The following PUS10 variants were observed in gnomAD, a reference collection of about 807,000 sequenced individuals.
PUS10 encodes the protein pseudouridine synthase 10.
In PUS10, 59 loss-of-function variants were observed where a neutral mutation model predicts 75.0. That is an observed-to-expected ratio of 0.79 (90% CI 0.64 to 0.98). The LOEUF is 0.98. PUS10 is among the 50% of genes least tolerant of loss of function. The probability of loss-of-function intolerance (pLI) is 0.00; values close to 1 mark genes in which losing one functional copy is unlikely to be tolerated. For missense variants in PUS10, 650 were observed against 614.4 expected (o/e 1.06, Z -0.61); for synonymous variants, 219 against 211.6 (o/e 1.03, Z -0.30).
intron 4 of PUS10, among the ~76,000 whole-genome samples, chr2:60,991,694 A>C (rs1678090417): frequency 6.6e-6 from 1 of 152,236 alleles, no homozygotes; most frequent in Non-Finnish European, 1.5e-5. Context: ...AAAACTGTAA[A>C]TGCATAACTT....
chr2:60,968,453 G>GT (rs1676471646), intron 5 of PUS10, among the ~76,000 whole-genome samples: 1 of 152,118 alleles, frequency 6.6e-6, no homozygotes, highest in South Asian at 2.1e-4. Context: ...TGAAAGAGAT[G>GT]TAAGGGCCAA....
intron 5 of PUS10, among the ~76,000 whole-genome samples, chr2:60,969,863 G>T (rs1485269858): frequency 6.6e-6 from 1 of 152,136 alleles, no homozygotes; most frequent in African/African-American, 2.4e-5. Context: ...GAGGCATGTG[G>T]ATCACCTGAG....
chr2:61,008,727 T>C (rs781271117), intron 3 of PUS10, 34 bp downstream of exon 3: 2 of 1,460,386 alleles, frequency 1.4e-6, no homozygotes, highest in East Asian at 2.3e-5. Context: ...AATCTCTACA[T>C]AATTGCACCT....
chr2:60,984,232 A>G (rs569864526), intron 4 of PUS10, among the ~76,000 whole-genome samples: 20 of 152,350 alleles, frequency 1.3e-4, no homozygotes, highest in Admixed American at 1.0e-3. Flanking sequence ...AATTGATGAA[A>G]GATTAATAGT....
At chr2:60,958,159 C>G (rs368692865) in intron 11 of PUS10, among the ~76,000 whole-genome samples, 1 of 152,194 alleles carries the variant, frequency 6.6e-6, no homozygotes, top group Non-Finnish European at 1.5e-5. Flanking sequence ...GAACCTGACA[C>G]TTGGCGTGAC....
rs1360837689 is a variant in PUS10 at position 61,017,922 on chromosome 2, C to A, written c.-16+86G>T. The A allele has an allele frequency of 2.0e-6, 3 of 1,464,912 alleles. No homozygotes were observed. The East Asian group carries it at 7.4e-5, about 36-fold the overall frequency. The allele number at this position is 1,464,912 out of a possible 1,614,324, so 90.7% of individuals were successfully genotyped here. On this transcript the variant is annotated intron_variant, in intron 1 of 17. Transcript: ENST00000316752. ...GGGACTTGGCAGGAGGCGGTTGTAGCGGTTGTTAGTGGAGGTATTCCCTTC... is the reference window on the plus strand; with the variant it reads ...GGGACTTGGCAGGAGGCGGTTGTAGAGGTTGTTAGTGGAGGTATTCCCTTC...
intron 11 of PUS10, among the ~76,000 whole-genome samples, chr2:60,958,067 A>G (rs1258051976): frequency 6.6e-6 from 1 of 152,246 alleles, no homozygotes; most frequent in East Asian, 1.9e-4. Context: ...AGCCATGTCC[A>G]AAACTCCCTA....
chr2:60,942,527 T>C (rs78804298), intron 17 of PUS10, 94 bp from the exon 18 acceptor site: 5 of 963,668 alleles, frequency 5.2e-6, no homozygotes, highest in Non-Finnish European at 8.3e-6. Flanking sequence ...TTTAATATAG[T>C]GCAACAGAAG....
intron 4 of PUS10, among the ~76,000 whole-genome samples, chr2:61,000,616 T>C (rs1394745797): frequency 1.3e-5 from 2 of 152,180 alleles, no homozygotes; most frequent in Admixed American, 1.3e-4. Context: ...GAATAAACAT[T>C]ACATCTCTCT....
At chr2:61,014,113 C>A (rs1233056422) in intron 1 of PUS10, among the ~76,000 whole-genome samples, 1 of 151,212 alleles carries the variant, frequency 6.6e-6, no homozygotes, top group Non-Finnish European at 1.5e-5. Flanking sequence ...GTGGCTCACA[C>A]CTGTAATCCC....
rs554201851 is a variant in PUS10, at chr2:60,972,380, T to G, written c.469-823A>C. Among the ~76,000 whole-genome samples the G allele has an allele frequency of 2.5e-3, 372 of 150,906 alleles. 1 individual carries two copies. Among genetic ancestry groups the G allele is most frequent in the Non-Finnish European group, 4.3e-3 (288 of 67,684 alleles). On this transcript the variant is annotated intron_variant, in intron 4 of 17. Coordinates refer to ENST00000316752, the MANE Select transcript of PUS10 (RefSeq NM_144709.4). The stretch of plus-strand genomic sequence containing the variant: ...AGCTACTTGAGAGGCTGAGGCAGGA[T>G]AATGGCGTGAACCCGGGAGGCGGAG...
chr2:61,008,404 T>C (rs1461531189), intron 3 of PUS10, among the ~76,000 whole-genome samples: 1 of 151,990 alleles, frequency 6.6e-6, no homozygotes, highest in African/African-American at 2.4e-5. Flanking sequence ...GGCAGGACAA[T>C]TGCTTGAACC....
At chr2:60,979,030 T>C (rs142606774) in intron 4 of PUS10, among the ~76,000 whole-genome samples, 3 of 152,114 alleles carry the variant, frequency 2.0e-5, no homozygotes, top group Non-Finnish European at 4.4e-5. Flanking sequence ...ATAATGACAA[T>C]AGAAAAATGA....
At chr2:60,957,188 A>G (rs909167707) in intron 11 of PUS10, among the ~76,000 whole-genome samples, 2 of 152,112 alleles carry the variant, frequency 1.3e-5, no homozygotes, top group Non-Finnish European at 2.9e-5. Flanking sequence ...AACTTGGTTG[A>G]GTTTTTTCAA....
intron 4 of PUS10, among the ~76,000 whole-genome samples, chr2:60,973,366 C>G (rs974680605): frequency 6.6e-5 from 10 of 152,382 alleles, no homozygotes; most frequent in South Asian, 6.2e-4. Flanking sequence ...GAAGGCCCCC[C>G]CGTTGTCCCC....
At chr2:60,985,798 G>A (rs1264694065) in intron 4 of PUS10, among the ~76,000 whole-genome samples, 1 of 151,944 alleles carries the variant, frequency 6.6e-6, no homozygotes, top group East Asian at 1.9e-4. Flanking sequence ...CACTGCACCC[G>A]GCCTTTTCTC....
chr2:61,012,497 C>T (rs561966214), intron 1 of PUS10, among the ~76,000 whole-genome samples: 113 of 151,764 alleles, frequency 7.4e-4, no homozygotes, highest in African/African-American at 2.5e-3. Context: ...AACCAGAACC[C>T]CCTTTCCCCA....
chr2:60,960,837 C>A (rs1573409229), intron 10 of PUS10, among the ~76,000 whole-genome samples: 5 of 108,218 alleles, frequency 4.6e-5, no homozygotes, highest in African/African-American at 3.9e-5. Context: ...ATGAATATAC[C>A]AAGGATAAAA....
intron 4 of PUS10, among the ~76,000 whole-genome samples, chr2:60,991,644 TG>T (rs1678084652): frequency 6.6e-6 from 1 of 152,050 alleles, no homozygotes; most frequent in African/African-American, 2.4e-5. Context: ...TTTGTAGAAA[TG>T]GGAGTACCAA....
Sources: allele counts gnomAD v4.1 joint callset (sites outside exome capture counted in the v4.1 genomes callset), GRCh38; gene constraint gnomAD v4.1.1; transcripts MANE v1.5; gene names NCBI Gene and HGNC (gene_info 2026-07-23, HGNC 2026-07-21).